The following MKLN1 variants were observed in gnomAD, a reference collection of about 807,000 sequenced individuals.
MKLN1 encodes muskelin 1.
In MKLN1, 18 loss-of-function variants were observed where a neutral mutation model predicts 99.0. The observed-to-expected ratio is 0.18, with a 90% CI of 0.13 to 0.27. MKLN1 has a LOEUF of 0.27. MKLN1 is among the 10% of genes least tolerant of loss of function. The pLI is 1.00. For synonymous variants in MKLN1, 288 were observed against 293.2 expected (o/e 0.98, Z 0.18); for missense variants, 621 against 875.9 (o/e 0.71, Z 3.67).
In MKLN1 at chr7:131,221,531, C is replaced by T. The variant is rs7796913; in HGVS notation, c.-179+18557C>T. Among the ~76,000 whole-genome samples, 684 of 143,926 alleles carry T rather than the reference C, an allele frequency of 4.8e-3. 2 individuals are homozygous for T. Among genetic ancestry groups the T allele is most frequent in the African/African-American group, 8.1e-3 (313 of 38,768 alleles). The allele number at this position is 143,926 out of a possible 152,430, so 94.4% of individuals were successfully genotyped here. A position where few individuals can be genotyped will look rare whatever the true frequency, so the allele number is the denominator to read the frequency against. ...TTTTTTTTTTTTTTTTTTTAAAGAC[C>T]GAAGTCTGGCTCCATCACCCACGCT... is the stretch of plus-strand genomic sequence containing the variant. On this transcript the variant is annotated intron_variant, in intron 3 of 7. Coordinates refer to the MKLN1 transcript ENST00000416992.
intron 2 of MKLN1, among the ~76,000 whole-genome samples, chr7:131,189,503 C>T (rs115139708): frequency 4.9e-4 from 72 of 148,028 alleles, no homozygotes; most frequent in African/African-American, 1.7e-3. Flanking sequence ...ATTTCAGAAT[C>T]CCCCTAGAAG....
chr7:131,312,442 A>G (rs1345084193), intron 3 of MKLN1, among the ~76,000 whole-genome samples: 1 of 152,238 alleles, frequency 6.6e-6, no homozygotes, highest in Admixed American at 6.5e-5. Flanking sequence ...GTGTGCTTTA[A>G]ATATCAATGC....
chr7:131,275,557 ATATATATATATTTTTTTT>A (rs1341708922), intron 3 of MKLN1, among the ~76,000 whole-genome samples: 11 of 15,662 alleles, frequency 7.0e-4, no homozygotes, highest in African/African-American at 2.8e-3. Flanking sequence ...ATATATATAT[ATATATATATATTTTTTTT>A]TTTTTTTTTT....
intron 12 of MKLN1, among the ~76,000 whole-genome samples, chr7:131,454,885 G>C (rs555634199): frequency 6.6e-6 from 1 of 152,242 alleles, no homozygotes; most frequent in African/African-American, 2.4e-5. Flanking sequence ...AAAATGAGAA[G>C]GCGGCCAAGA....
chr7:131,419,935 A>T (rs750804891), intron 8 of MKLN1, among the ~76,000 whole-genome samples: 10 of 152,216 alleles, frequency 6.6e-5, no homozygotes, highest in Admixed American at 2.6e-4. Flanking sequence ...TTGCATTTTA[A>T]CAAAACAAAT....
intron 2 of MKLN1, among the ~76,000 whole-genome samples, chr7:131,154,773 C>T (rs993691840): frequency 6.6e-6 from 1 of 152,086 alleles, no homozygotes; most frequent in African/African-American, 2.4e-5. Flanking sequence ...ATTCTTTACA[C>T]TTATATATAA....
At chr7:131,444,808 TAGTAGTAGTAGTAGA>T in intron 11 of MKLN1, among the ~76,000 whole-genome samples, 1 of 147,090 alleles carries the variant, frequency 6.8e-6, no homozygotes, top group Non-Finnish European at 1.5e-5. Context: ...GTAGTAGTAG[TAGTAGTAGTAGTAGA>T]AGTGGAAGTG....
At chr7:131,298,958 G>A (rs918031930) in intron 3 of MKLN1, among the ~76,000 whole-genome samples, 4 of 152,134 alleles carry the variant, frequency 2.6e-5, no homozygotes, top group African/African-American at 9.7e-5. Context: ...TAGGAGGAGC[G>A]CTTCATGCCA....
At chr7:131,370,484 G>T (rs1331061267) in intron 1 of MKLN1, among the ~76,000 whole-genome samples, 2 of 137,850 alleles carry the variant, frequency 1.5e-5, no homozygotes, top group African/African-American at 2.7e-5. Context: ...TTTTTAGTAA[G>T]TTTTCTTAAC....
At chr7:131,300,115 GA>G (rs1798353934) in intron 3 of MKLN1, among the ~76,000 whole-genome samples, 2 of 152,118 alleles carry the variant, frequency 1.3e-5, no homozygotes, top group African/African-American at 4.8e-5. Context: ...TGGGAAAGAT[GA>G]TGAAGCAGAG....
chr7:131,231,685 G>A (rs1247409311), intron 3 of MKLN1, among the ~76,000 whole-genome samples: 1 of 152,292 alleles, frequency 6.6e-6, no homozygotes, highest in East Asian at 1.9e-4. Flanking sequence ...TGGGTGGCTA[G>A]ATGTTTATAT....
chr7:131,326,625 G>A (rs1394102015), upstream of MKLN1, among the ~76,000 whole-genome samples: 2 of 152,194 alleles, frequency 1.3e-5, no homozygotes, highest in African/African-American at 4.8e-5. Flanking sequence ...GATTACAGGT[G>A]TGAGCCACCG....
intron 3 of MKLN1, among the ~76,000 whole-genome samples, chr7:131,203,416 T>G (rs1373441013): frequency 6.6e-6 from 1 of 151,798 alleles, no homozygotes. Flanking sequence ...AAAAAAAGAG[T>G]GAGGAAATTT....
intron 12 of MKLN1, among the ~76,000 whole-genome samples, chr7:131,447,821 C>G (rs1430705884): frequency 6.6e-6 from 1 of 152,124 alleles, no homozygotes; most frequent in African/African-American, 2.4e-5. Context: ...TGGTATTATT[C>G]TAATGTACAA....
chr7:131,199,939 C>T (rs1468047981), intron 2 of MKLN1, among the ~76,000 whole-genome samples: 1 of 152,134 alleles, frequency 6.6e-6, no homozygotes, highest in Non-Finnish European at 1.5e-5. Flanking sequence ...CTCAAGTGAT[C>T]GGCCCACCTC....
At chr7:131,269,791 AAAT>A (rs1202460197) in intron 3 of MKLN1, among the ~76,000 whole-genome samples, 1 of 152,224 alleles carries the variant, frequency 6.6e-6, no homozygotes, top group Non-Finnish European at 1.5e-5. Context: ...TAGCTTCCTC[AAAT>A]AATGTTTGTT....
At chr7:131,205,424 T>C (rs1331230114) in intron 3 of MKLN1, among the ~76,000 whole-genome samples, 4 of 152,248 alleles carry the variant, frequency 2.6e-5, no homozygotes. Flanking sequence ...TTATTACCTT[T>C]ATTTGGTGAT....
intron 7 of MKLN1, among the ~76,000 whole-genome samples, chr7:131,411,999 G>C (rs1794896010): frequency 6.6e-6 from 1 of 150,770 alleles, no homozygotes; most frequent in African/African-American, 2.4e-5. Flanking sequence ...AGGTAGAAGG[G>C]TGGCTTGAGC....
intron 16 of MKLN1, among the ~76,000 whole-genome samples, chr7:131,476,776 A>G (rs1796979041): frequency 6.6e-6 from 1 of 152,212 alleles, no homozygotes; most frequent in Non-Finnish European, 1.5e-5. Context: ...GTTTTAGACT[A>G]GCCAAAACAA....
Sources: allele counts gnomAD v4.1 joint callset (sites outside exome capture counted in the v4.1 genomes callset), GRCh38; gene constraint gnomAD v4.1.1; transcripts MANE v1.5; gene names NCBI Gene and HGNC (gene_info 2026-07-23, HGNC 2026-07-21).